MEI4: variants seen among roughly 807,000 people sequenced by gnomAD.
MEI4 encodes meiosis-specific protein MEI4.
A neutral mutation model predicts 31.4 loss-of-function variants in MEI4; 27 were observed. The ratio of observed to expected loss-of-function variants is 0.86; its 90% CI spans 0.63 to 1.19. The LOEUF (loss-of-function observed/expected upper bound fraction) is 1.19. Among genes scored for constraint, MEI4 ranks in the 50% most tolerant of loss-of-function variants. MEI4 has a pLI of 0.00. For missense variants in MEI4, 329 were observed against 398.9 expected, an observed-to-expected ratio of 0.82 and a Z score of 1.49; for synonymous variants, 122 against 145.4, an observed-to-expected ratio of 0.84 and a Z score of 1.16.
chr6:77,759,045 C>T (rs1767982192), intron 2 of MEI4, among the ~76,000 whole-genome samples: 1 of 152,128 alleles, frequency 6.6e-6, no homozygotes, highest in African/African-American at 2.4e-5. Flanking sequence ...CTGGATGAAG[C>T]TGCTATGAAT....
chr6:77,861,960 A>T (rs1770876622), intron 4 of MEI4, among the ~76,000 whole-genome samples: 1 of 152,116 alleles, frequency 6.6e-6, no homozygotes, highest in South Asian at 2.1e-4. Flanking sequence ...AAACATGTCT[A>T]GATGAAACAT....
chr6:77,905,609 G>A (rs1202713586), intron 4 of MEI4, among the ~76,000 whole-genome samples: 2 of 148,266 alleles, frequency 1.3e-5, no homozygotes, highest in Non-Finnish European at 3.0e-5. Context: ...TGAATCTCCT[G>A]CCTCAGCCTC....
intron 3 of MEI4, among the ~76,000 whole-genome samples, chr6:77,808,503 G>T (rs1460279179): frequency 6.6e-6 from 1 of 152,130 alleles, no homozygotes; most frequent in East Asian, 1.9e-4. Context: ...TCAATTAAGA[G>T]ACAGTGTAAA....
At chr6:77,765,637 C>T (rs956869595) in intron 3 of MEI4, among the ~76,000 whole-genome samples, 6 of 147,312 alleles carry the variant, frequency 4.1e-5, no homozygotes, top group Non-Finnish European at 8.9e-5. Flanking sequence ...GGCAATTCCT[C>T]AGGGATCTAG....
At chr6:77,922,238 CTTTT>C (rs924466409) in intron 4 of MEI4, among the ~76,000 whole-genome samples, 4 of 151,368 alleles carry the variant, frequency 2.6e-5, no homozygotes, top group African/African-American at 9.7e-5. Flanking sequence ...AAGGAGTTTT[CTTTT>C]TTTCTCAATG....
At chr6:77,899,646 G>T (rs1418113174) in intron 4 of MEI4, among the ~76,000 whole-genome samples, 2 of 152,064 alleles carry the variant, frequency 1.3e-5, no homozygotes, top group African/African-American at 4.8e-5. Flanking sequence ...GATAAGTCCA[G>T]CTTGACTGCT....
intron 2 of MEI4, among the ~76,000 whole-genome samples, chr6:77,733,720 A>G (rs1298317295): frequency 1.3e-5 from 2 of 151,870 alleles, no homozygotes; most frequent in African/African-American, 2.4e-5. Flanking sequence ...TTGTGATGTT[A>G]GGGTGTCAAT....
At chr6:77,765,148 T>A (rs1768138264) in intron 3 of MEI4, among the ~76,000 whole-genome samples, 1 of 152,192 alleles carries the variant, frequency 6.6e-6, no homozygotes, top group African/African-American at 2.4e-5. Context: ...ATGTAGGTAA[T>A]AAATGTGACC....
intron 4 of MEI4, among the ~76,000 whole-genome samples, chr6:77,919,722 A>G (rs1409037425): frequency 1.3e-5 from 2 of 150,100 alleles, no homozygotes; most frequent in Non-Finnish European, 3.0e-5. Context: ...TGGTTTTTTG[A>G]AAGGATCAAC....
At chr6:77,857,660 C>A (rs1158450977) in intron 4 of MEI4, among the ~76,000 whole-genome samples, 1 of 152,180 alleles carries the variant, frequency 6.6e-6, no homozygotes, top group Non-Finnish European at 1.5e-5. Context: ...ACCACATTAT[C>A]CATGCCAGCT....
intron 1 of MEI4, among the ~76,000 whole-genome samples, chr6:77,663,042 T>C (rs1342381749): frequency 1.4e-5 from 2 of 147,856 alleles, no homozygotes; most frequent in African/African-American, 4.9e-5. Flanking sequence ...ATGTTTGAGA[T>C]CTAGAACAGA....
At chr6:77,833,750 T>TG (rs1770138414) in intron 4 of MEI4, among the ~76,000 whole-genome samples, 1 of 152,144 alleles carries the variant, frequency 6.6e-6, no homozygotes, top group Non-Finnish European at 1.5e-5. Context: ...AAGCCCCGCA[T>TG]GCATTAGGTA....
intron 2 of MEI4, among the ~76,000 whole-genome samples, chr6:77,744,402 C>G (rs964006733): frequency 5.9e-5 from 9 of 151,616 alleles, no homozygotes; most frequent in African/African-American, 4.8e-5. Context: ...AATGAAGCGA[C>G]AAGAGAAGTT....
intron 3 of MEI4, among the ~76,000 whole-genome samples, chr6:77,824,452 T>C (rs1023581678): frequency 3.3e-5 from 5 of 152,190 alleles, no homozygotes; most frequent in African/African-American, 1.2e-4. Context: ...AGTATTTAGT[T>C]TGAGATTAAA....
intron 3 of MEI4, among the ~76,000 whole-genome samples, chr6:77,785,193 T>G (rs1478471537): frequency 2.0e-5 from 3 of 152,184 alleles, no homozygotes; most frequent in African/African-American, 4.8e-5. Flanking sequence ...TGGAGGAGGA[T>G]AAAATGATGT....
intron 3 of MEI4, among the ~76,000 whole-genome samples, chr6:77,805,001 C>G (rs1297115012): frequency 6.6e-6 from 1 of 152,058 alleles, no homozygotes; most frequent in African/African-American, 2.4e-5. Context: ...GCCATTTTAA[C>G]TATAAAACAT....
At chr6:77,650,310 T>C (rs2127639334), upstream of MEI4, among the ~76,000 whole-genome samples, 1 of 152,268 alleles carries the variant, frequency 6.6e-6, no homozygotes, top group East Asian at 1.9e-4. Context: ...GGAGCACTCG[T>C]CTCCTCCTCG....
rs185858672 is a variant in MEI4 at position 77,918,937 on chromosome 6, C to T, written c.901-4152C>T. On this transcript the variant is annotated intron_variant, in intron 4 of 4. Coordinates refer to ENST00000684080, the MANE Select transcript of MEI4 (RefSeq NM_001322247.2). ...AGATAGCACTTATTATTTTGAAATA[C>T]GTCCCATCAATACCTAATTTATTGA... Among the ~76,000 whole-genome samples, 185 of 152,026 alleles carry T rather than the reference C, an allele frequency of 1.2e-3. No homozygotes were observed. The Middle Eastern group carries it at 0.017, about 14-fold the overall frequency.
At chr6:77,810,597 G>C (rs1416881785) in intron 3 of MEI4, among the ~76,000 whole-genome samples, 1 of 152,040 alleles carries the variant, frequency 6.6e-6, no homozygotes, top group Non-Finnish European at 1.5e-5. Flanking sequence ...GAATTCCTAG[G>C]CTGTCATTTT....
Sources: allele counts gnomAD v4.1 joint callset (sites outside exome capture counted in the v4.1 genomes callset), GRCh38; gene constraint gnomAD v4.1.1; transcripts MANE v1.5; gene names NCBI Gene and HGNC (gene_info 2026-07-23, HGNC 2026-07-21).